Variants in ZFAND4 observed in about 807,000 individuals in gnomAD.
ZFAND4 encodes zinc finger AN1-type containing 4.
Under a neutral mutation model 64.4 loss-of-function variants are expected in ZFAND4, and 43 were observed. The observed-to-expected ratio is 0.67, with a 90% CI of 0.52 to 0.86. The LOEUF (loss-of-function observed/expected upper bound fraction) is 0.86, where lower values mean the gene tolerates loss of function less well. ZFAND4 is among the 40% of genes least tolerant of loss of function. The probability of loss-of-function intolerance (pLI) is 0.00; values close to 1 mark genes in which losing one functional copy is unlikely to be tolerated. For synonymous variants in ZFAND4, 296 were observed against 305.7 expected (o/e 0.97, Z 0.33); for missense variants, 929 against 859.8 (o/e 1.08, Z -1.01).
chr10:45,631,379 A>T (rs545565915), intron 6 of ZFAND4, among the ~76,000 whole-genome samples: 19 of 151,432 alleles, frequency 1.3e-4, no homozygotes, highest in Non-Finnish European at 2.4e-4. Flanking sequence ...CTAAAAAAAA[A>T]AAACATATAA....
intron 2 of ZFAND4, among the ~76,000 whole-genome samples, chr10:45,657,459 G>C (rs118154056): frequency 3.9e-4 from 59 of 152,150 alleles, no homozygotes; most frequent in Non-Finnish European, 8.2e-4. Flanking sequence ...TAAGGATACA[G>C]AGCAACTAGA....
chr10:45,670,221 T>A (rs1278692127), intron 1 of ZFAND4, among the ~76,000 whole-genome samples: 8 of 149,560 alleles, frequency 5.3e-5, no homozygotes, highest in Admixed American at 5.3e-4. Context: ...ATCACAACTA[T>A]CTGATTTTTT....
At chr10:45,657,724 TTCCTTA>T (rs2048224110) in intron 2 of ZFAND4, among the ~76,000 whole-genome samples, 1 of 152,172 alleles carries the variant, frequency 6.6e-6, no homozygotes, top group Non-Finnish European at 1.5e-5. Context: ...ACTATGGTAC[TTCCTTA>T]TAATGGAACA....
intron 6 of ZFAND4, among the ~76,000 whole-genome samples, chr10:45,634,294 G>A (rs112864763): frequency 0.05 from 7,585 of 152,208 alleles, 269 homozygotes; most frequent in South Asian, 0.082. Flanking sequence ...GGAGGCCGAG[G>A]CAGGCAGATC....
intron 2 of ZFAND4, among the ~76,000 whole-genome samples, chr10:45,660,126 C>T (rs1420868151): frequency 1.4e-5 from 2 of 142,462 alleles, no homozygotes; most frequent in African/African-American, 5.2e-5. Flanking sequence ...CACACCACTG[C>T]ACTTCAGCAT....
At chr10:45,627,949 C>T (rs1028013474) in intron 6 of ZFAND4, among the ~76,000 whole-genome samples, 10 of 152,144 alleles carry the variant, frequency 6.6e-5, no homozygotes, top group Non-Finnish European at 1.3e-4. Flanking sequence ...TATCTTTTTG[C>T]TGTAATAAGT....
At chr10:45,646,395 T>G (rs1054522622) in intron 5 of ZFAND4, among the ~76,000 whole-genome samples, 1 of 152,194 alleles carries the variant, frequency 6.6e-6, no homozygotes, top group Admixed American at 6.5e-5. Flanking sequence ...ATGTTCTTCA[T>G]GGTATGATCA....
intron 8 of ZFAND4, among the ~76,000 whole-genome samples, chr10:45,622,901 T>G (rs1333624941): frequency 6.6e-6 from 1 of 150,992 alleles, no homozygotes; most frequent in Non-Finnish European, 1.5e-5. Flanking sequence ...CTGGATACAG[T>G]TTGGTTTCGG....
intron 2 of ZFAND4, among the ~76,000 whole-genome samples, chr10:45,655,100 A>G (rs1242988907): frequency 6.6e-6 from 1 of 152,212 alleles, no homozygotes; most frequent in Non-Finnish European, 1.5e-5. Flanking sequence ...TCATATGAGA[A>G]GCCACAAAAA....
intron 6 of ZFAND4, among the ~76,000 whole-genome samples, chr10:45,635,214 CA>C (rs76130878): frequency 1.3e-4 from 9 of 68,286 alleles, no homozygotes; most frequent in South Asian, 5.1e-4. Context: ...AAAAAAAAAA[CA>C]AAAAAAAAAC....
chr10:45,654,507 T>C (rs1291868381), intron 2 of ZFAND4, among the ~76,000 whole-genome samples: 1 of 151,786 alleles, frequency 6.6e-6, no homozygotes, highest in East Asian at 1.9e-4. Flanking sequence ...TAGTAGCAGC[T>C]ACTCTGTAGG....
At chr10:45,638,584 C>T (rs1232427097) in intron 6 of ZFAND4, among the ~76,000 whole-genome samples, 1 of 152,170 alleles carries the variant, frequency 6.6e-6, no homozygotes, top group African/African-American at 2.4e-5. Flanking sequence ...CCCTCTGACT[C>T]CGAAAGTCCA....
rs1286068711 is a variant in ZFAND4 at position 45,627,067 on chromosome 10, T to TAC, written c.754_755dup (p.Ala253Ter). The stretch of plus-strand genomic sequence containing the variant: ...TGGAACCACTAGAAGGTCGAGGAGC[T>TAC]ACAGGTGGGTGAGGTTTTATCTTGA... On this transcript the variant is annotated frameshift_variant, in exon 7 of 10. Coordinates refer to ENST00000344646, the MANE Select transcript of ZFAND4 (RefSeq NM_174890.4). LOFTEE classifies it high-confidence loss of function. 1.9e-6 allele frequency: 3 copies of TAC among 1,570,372 alleles called. No homozygotes were observed. The African/African-American group carries it at 4.1e-5, about 21-fold the overall frequency.
At chr10:45,629,639 T>C (rs143759294) in intron 6 of ZFAND4, among the ~76,000 whole-genome samples, 366 of 152,104 alleles carry the variant, frequency 2.4e-3, no homozygotes, top group Middle Eastern at 6.8e-3. Flanking sequence ...GGTGGGAAGA[T>C]TGCTTGAGTT....
rs74436700 is a variant in ZFAND4, at chr10:45,616,447, G to A, written c.2173C>T (p.Pro725Ser). The A allele has an allele frequency of 0.019, 30,297 of 1,613,860 alleles. 368 individuals carry two copies. Among genetic ancestry groups the A allele is most frequent in the Non-Finnish European group, 0.022 (25,840 of 1,179,878 alleles). The change falls in exon 10 of 10, where the codon CCA (proline) becomes TCA (serine). Residue 725 changes from proline to serine, a missense_variant. Coordinates refer to ENST00000344646, the MANE Select transcript of ZFAND4 (RefSeq NM_174890.4). ...ANPVVNAPKL[P>S]KI ...ATGTAGAGGAAGAGTTAGATTTTTGGAAGCTTTGGTGCATTAACCACAGGA... is the reference window on the plus strand; with the variant it reads ...ATGTAGAGGAAGAGTTAGATTTTTGAAAGCTTTGGTGCATTAACCACAGGA...
chr10:45,629,815 A>G (rs1046019128), intron 6 of ZFAND4, among the ~76,000 whole-genome samples: 8 of 152,166 alleles, frequency 5.3e-5, no homozygotes, highest in African/African-American at 1.9e-4. Context: ...GTGAGTCAAG[A>G]TCATGCCACT....
chr10:45,622,828 G>A (rs954825587), intron 8 of ZFAND4, among the ~76,000 whole-genome samples: 8 of 152,086 alleles, frequency 5.3e-5, no homozygotes, highest in African/African-American at 1.7e-4. Flanking sequence ...TACTGTTAAC[G>A]ACTGTCTGTC....
At chr10:45,620,042 C>T (rs2133510863) in intron 8 of ZFAND4, among the ~76,000 whole-genome samples, 1 of 152,306 alleles carries the variant, frequency 6.6e-6, no homozygotes, top group South Asian at 2.1e-4. Context: ...TCGAAACCAT[C>T]TTTAAAATTC....
At chr10:45,660,499 A>G (rs1195630978) in intron 2 of ZFAND4, among the ~76,000 whole-genome samples, 5 of 152,190 alleles carry the variant, frequency 3.3e-5, no homozygotes. Context: ...CAGAAGAAAT[A>G]CTTAAATAAT....
Sources: gnomAD v4.1 joint callset for allele counts (sites outside exome capture counted in the v4.1 genomes callset) on GRCh38, gnomAD v4.1.1 for gene constraint, MANE v1.5 for transcripts, NCBI Gene and HGNC (gene_info 2026-07-23, HGNC 2026-07-21) for gene names.